REPS2: variants seen among roughly 807,000 people sequenced by gnomAD.
REPS2 encodes RALBP1 associated Eps domain containing 2.
REPS2 carries 23 observed loss-of-function variants against 53.6 expected under a neutral mutation model. The ratio of observed to expected loss-of-function variants is 0.43; its 90% confidence interval spans 0.31 to 0.61. The LOEUF is 0.61. Among genes scored for constraint, REPS2 ranks in the 20% least tolerant of loss-of-function variants. REPS2 has a pLI of 0.11. For synonymous variants in REPS2, 238 were observed against 218.6 expected (o/e 1.09, Z -0.78); for missense variants, 446 against 534.9 (o/e 0.83, Z 1.64).
the REPS2 span, among the ~76,000 whole-genome samples, chrX:17,160,911 G>C: frequency 6.2e-5 from 7 of 112,085 alleles, no homozygotes; most frequent in Non-Finnish European, 1.1e-4. Flanking sequence ...TGTATGTTGA[G>C]AGCAGATAAC....
chrX:17,014,897 A>G (rs1336329513), intron 2 of REPS2, among the ~76,000 whole-genome samples: 1 of 113,078 alleles, frequency 8.8e-6, no homozygotes, highest in African/African-American at 3.2e-5. Flanking sequence ...AAATGTTCAA[A>G]TCTGTACTAG....
chrX:17,036,736 T>C (rs752280589), intron 5 of REPS2, among the ~76,000 whole-genome samples: 3 of 111,886 alleles, frequency 2.7e-5, no homozygotes, highest in Non-Finnish European at 3.8e-5. Context: ...ACACTGTGTG[T>C]GTGCGTTGAT....
Position 17,050,197 on chromosome X carries a change from T to TCTTTCTTC in REPS2, c.908-2185_908-2184insCTTTCTTC, listed in dbSNP as rs773752476. On this transcript the variant is annotated intron_variant, in intron 6 of 17. Transcript: ENST00000357277. The stretch of plus-strand genomic sequence containing the variant: ...TTCTTTCTTTCTTTCTTTCTTTCTT[T>TCTTTCTTC]TTTTTTTTTTTTTGACAGGGTCTTA... Among the ~76,000 whole-genome samples the TCTTTCTTC allele has an allele frequency of 2.6e-4, 12 of 46,166 alleles. 1 individual carries two copies. The highest frequency in any genetic ancestry group is 3.8e-4 in the Admixed American group (1 of 2,613). The allele number at this position is 46,166 out of a possible 115,157, so 40.1% of individuals were successfully genotyped here.
intron 13 of REPS2, among the ~76,000 whole-genome samples, chrX:17,097,999 C>T (rs1251626733): frequency 9.0e-6 from 1 of 111,228 alleles, no homozygotes; most frequent in Non-Finnish European, 1.9e-5. Flanking sequence ...TCTTATACAA[C>T]CTATTTAAGA....
intron 4 of REPS2, among the ~76,000 whole-genome samples, chrX:17,028,045 C>T (rs1035322045): frequency 1.8e-5 from 2 of 111,086 alleles, no homozygotes; most frequent in African/African-American, 3.3e-5. Context: ...CAAAAAAGGC[C>T]CCCCATGCAG....
At chrX:17,080,324 C>T (rs974184312) in intron 13 of REPS2, among the ~76,000 whole-genome samples, 1 of 106,699 alleles carries the variant, frequency 9.4e-6, no homozygotes, top group African/African-American at 3.4e-5. Context: ...CTCTCCACCC[C>T]GACCCCCGTG....
At chrX:17,180,749 ACCT>A in the REPS2 span, among the ~76,000 whole-genome samples, 3 of 111,284 alleles carry the variant, frequency 2.7e-5, no homozygotes, top group East Asian at 8.4e-4. Context: ...CCTGTCAGTA[ACCT>A]CCACACAGAT....
At chrX:17,064,284 A>G (rs776446022) in intron 9 of REPS2, among the ~76,000 whole-genome samples, 28 of 112,222 alleles carry the variant, frequency 2.5e-4, no homozygotes, top group African/African-American at 8.4e-4. Context: ...AGTACGGGTC[A>G]GATTGCAATA....
chrX:16,999,300 C>T (rs989778738), intron 1 of REPS2, among the ~76,000 whole-genome samples: 1 of 106,962 alleles, frequency 9.3e-6, no homozygotes, highest in African/African-American at 3.5e-5. Context: ...AATTGTAATT[C>T]TTGTGGATAT....
intron 1 of REPS2, among the ~76,000 whole-genome samples, chrX:16,998,184 G>A (rs2061255537): frequency 1.8e-5 from 2 of 111,923 alleles, no homozygotes; most frequent in Admixed American, 1.9e-4. Flanking sequence ...GGGAGGTTGA[G>A]GCTGCAATGA....
chrX:17,039,857 A>G (rs1329682958), intron 5 of REPS2, among the ~76,000 whole-genome samples: 3 of 112,592 alleles, frequency 2.7e-5, no homozygotes, highest in Non-Finnish European at 5.6e-5. Context: ...GATTGTGTGC[A>G]TTAGGTACTT....
Position 17,059,388 on chromosome X carries a change from A to G in REPS2, c.1115-3050A>G, listed in dbSNP as rs1429812491. On this transcript the variant is annotated intron_variant, in intron 8 of 17. Transcript: ENST00000357277. ...ATTCAGTCTTTAAAAAATCTAATCC[A>G]GTTTTTGATAAGATTGGTGAAGAGT... is the stretch of plus-strand genomic sequence containing the variant. Among the ~76,000 whole-genome samples, 9 of 107,507 alleles carry G rather than the reference A, an allele frequency of 8.4e-5. 1 individual carries two copies. Among genetic ancestry groups the G allele is most frequent in the Non-Finnish European group, 9.6e-5 (5 of 52,130 alleles). 93.4% of individuals were successfully genotyped at this position (107,507 alleles called of 115,157 possible).
At chrX:17,015,681 A>G (rs1227306030) in intron 2 of REPS2, among the ~76,000 whole-genome samples, 2 of 109,474 alleles carry the variant, frequency 1.8e-5, no homozygotes, top group Non-Finnish European at 3.8e-5. Context: ...TTGTCCTTGC[A>G]ATAGTTTGCG....
intron 9 of REPS2, among the ~76,000 whole-genome samples, chrX:17,067,588 C>G (rs748992276): frequency 8.7e-4 from 97 of 112,002 alleles, no homozygotes; most frequent in African/African-American, 3.0e-3. Flanking sequence ...TTTGGGTATT[C>G]ATATTAGTGT....
chrX:16,967,348 TTCTGTA>T (rs1319360020), intron 1 of REPS2, among the ~76,000 whole-genome samples: 2 of 109,913 alleles, frequency 1.8e-5, no homozygotes, highest in African/African-American at 6.6e-5. Flanking sequence ...CTCTATATTC[TTCTGTA>T]TCTAGAATGG....
At chrX:17,081,114 CA>C (rs1399150059) in intron 13 of REPS2, among the ~76,000 whole-genome samples, 3 of 111,770 alleles carry the variant, frequency 2.7e-5, no homozygotes, top group Non-Finnish European at 5.6e-5. Context: ...TGAGATGAAG[CA>C]AGATGTGGAC....
intron 5 of REPS2, among the ~76,000 whole-genome samples, chrX:17,030,309 A>C (rs1050649335): frequency 1.4e-5 from 1 of 69,985 alleles, no homozygotes; most frequent in Non-Finnish European, 2.8e-5. Flanking sequence ...ATATTCTCAA[A>C]GAAGGGTGTG....
intron 13 of REPS2, among the ~76,000 whole-genome samples, chrX:17,084,726 A>C (rs563363160): frequency 1.2e-4 from 13 of 112,286 alleles, no homozygotes; most frequent in Middle Eastern, 4.6e-3. Context: ...TTGCTCATTT[A>C]AAAATTGGGT....
At chrX:16,956,362 C>T (rs2060597409) in intron 1 of REPS2, among the ~76,000 whole-genome samples, 1 of 80,135 alleles carries the variant, frequency 1.2e-5, no homozygotes, top group African/African-American at 5.2e-5. Flanking sequence ...AGTGCAATCT[C>T]ACAATTTTGG....
Sources: allele counts gnomAD v4.1 joint callset (sites outside exome capture counted in the v4.1 genomes callset), GRCh38; gene constraint gnomAD v4.1.1; transcripts MANE v1.5; gene names NCBI Gene and HGNC (gene_info 2026-07-23, HGNC 2026-07-21).